ABCC10: variants seen among roughly 807,000 people sequenced by gnomAD.
The protein encoded by ABCC10 is ATP binding cassette subfamily C member 10.
Under a neutral mutation model 143.2 loss-of-function variants are expected in ABCC10, and 110 were observed. The observed-to-expected ratio is 0.77, with a 90% confidence interval of 0.66 to 0.90. The LOEUF (loss-of-function observed/expected upper bound fraction) is 0.90, where lower values mean the gene tolerates loss of function less well. Among genes scored for constraint, ABCC10 ranks in the 40% least tolerant of loss-of-function variants. The pLI, the probability that ABCC10 is intolerant of heterozygous loss-of-function variation, is 0.00. For missense variants in ABCC10, 1,700 were observed against 1,900.5 expected, an observed-to-expected ratio of 0.89 and a Z score of 1.96; for synonymous variants, 805 against 846.7, an observed-to-expected ratio of 0.95 and a Z score of 0.85.
Position 43,433,275 on chromosome 6 carries a change from T to C in ABCC10, c.1295T>C (p.Leu432Pro), listed in dbSNP as rs768023583. 1.9e-6 allele frequency: 3 copies of C among 1,614,198 alleles called. No homozygotes were observed. In the South Asian group the frequency reaches 3.3e-5, roughly 18 times the overall value. The change falls in exon 3 of 22, where the codon CTG (leucine) becomes CCG (proline). Residue 432 changes from leucine to proline, a missense_variant. By Grantham distance (98) the Leu-to-Pro change is moderately conservative (BLOSUM62 -3). Transcript: ENST00000372530. ...AFVGGLILALLLVPVNKVIAT... is the reference protein window; with the variant it reads ...AFVGGLILALPLVPVNKVIAT... ...GTGGGTGGTCTCATCTTGGCACTGCTGCTGGTACCCGTCAACAAAGTGATT... is the reference window on the plus strand; with the variant it reads ...GTGGGTGGTCTCATCTTGGCACTGCCGCTGGTACCCGTCAACAAAGTGATT...
chr6:43,440,863 CA>C lies in ABCC10; in HGVS notation c.2128-986del, dbSNP rs35261029. Among the ~76,000 whole-genome samples the C allele has an allele frequency of 2.0e-4, 21 of 104,762 alleles. No homozygotes were observed. In the South Asian group the frequency reaches 2.6e-3, roughly 13 times the overall value. 68.7% of individuals were successfully genotyped at this position (104,762 alleles called of 152,430 possible). A position where few individuals can be genotyped will look rare whatever the true frequency, so the allele number is the denominator to read the frequency against. ...TGTGCAACAGAGTGAGACTCCGTCT[CA>C]AAAAAAAAAAAATACCAGACCACCC... On this transcript the variant is annotated intron_variant, in intron 8 of 21. Transcript: ENST00000372530.
rs769468763 is a variant in ABCC10 at position 43,444,840 on chromosome 6, G to A, written c.2742G>A (p.Lys914=). Residue 914 remains lysine, a synonymous_variant, in exon 13 of 22, where the codon AAG becomes AAA. Coordinates refer to ENST00000372530, the MANE Select transcript of ABCC10 (RefSeq NM_001198934.2). ...TCTCCCACTGGATCTCTCAGCTGAA[G>A]GCTGAGAATAGCTCCCAGGAGGCGC... ...WWLSHWISQL[K]AENSSQEAQP... The A allele has an allele frequency of 8.1e-6, 13 of 1,613,608 alleles. No individual in the cohort carries two copies. The Admixed American group carries it at 2.2e-4, about 27-fold the overall frequency.
rs200394501 is a variant in ABCC10 at position 43,432,684 on chromosome 6, G to A, written c.704G>A (p.Arg235His). 72 of 1,613,988 alleles carry A rather than the reference G, an allele frequency of 4.5e-5. No individual in the cohort carries two copies. The highest frequency in any genetic ancestry group is 1.7e-4 in the African/African-American group (13 of 75,062). ...SYAWLAPLLARGACGELRQPQ... is the reference protein window; with the variant it reads ...SYAWLAPLLAHGACGELRQPQ... ...GCCTGGCTGGCACCCTTGCTGGCCCGTGGGGCCTGTGGAGAGCTCCGGCAG... is the reference window on the plus strand; with the variant it reads ...GCCTGGCTGGCACCCTTGCTGGCCCATGGGGCCTGTGGAGAGCTCCGGCAG... The change falls in exon 3 of 22, where the codon CGT (arginine) becomes CAT (histidine). Residue 235 changes from arginine (R) to histidine (H), a missense_variant. Physicochemically the swap from Arg to His is conservative, Grantham distance 29. Coordinates refer to ENST00000372530, the MANE Select transcript of ABCC10 (RefSeq NM_001198934.2).
At position 43,428,108 on chromosome 6, in the gene ABCC10, G is replaced by GTGC; in HGVS notation, c.132_134dup (p.Leu45dup). On this transcript the variant is annotated inframe_insertion, in exon 2 of 22. Transcript: ENST00000372530. ...CGCCCTGCCCCACGCGCTCCTCGCCGTGCTCAGTGCCTGTTACTTGGGCAC... is the reference window on the plus strand; with the variant it reads ...CGCCCTGCCCCACGCGCTCCTCGCCGTGCTGCTCAGTGCCTGTTACTTGGGCAC... The GTGC allele has an allele frequency of 6.5e-7, 1 of 1,548,194 alleles. No homozygotes were observed. The highest frequency in any genetic ancestry group is 8.7e-7 in the Non-Finnish European group (1 of 1,148,338).
chr6:43,444,415 C>T (rs1031621207), intron 12 of ABCC10, 62 bp downstream of exon 12: 49 of 1,504,998 alleles, frequency 3.3e-5, no homozygotes, highest in African/African-American at 7.0e-5. Flanking sequence ...TGCCCATTAC[C>T]TTGCACTAAT....
At chr6:43,447,461 G>C (rs879443443) in intron 17 of ABCC10, 53 bp downstream of exon 17, 12 of 1,589,672 alleles carry the variant, frequency 7.5e-6, no homozygotes, top group Non-Finnish European at 1.0e-5. Flanking sequence ...GAAGGCCCCA[G>C]TCTCCCTCAC....
chr6:43,447,253 G>A lies in ABCC10; in HGVS notation c.3550G>A (p.Val1184Met), dbSNP rs749718048. Reference sequence around the variant, plus strand: ...CTGGTACTTCTCTCCCCCAGGGCTGGTGGGCTTGTCGCTGTCTTATGCCCT... The same window carrying A: ...CTGGTACTTCTCTCCCCCAGGGCTGATGGGCTTGTCGCTGTCTTATGCCCT... ...HQQGLANPGLVGLSLSYALSL... is the reference protein window; with the variant it reads ...HQQGLANPGLMGLSLSYALSL... Residue 1184 changes from valine to methionine, a missense_variant, in exon 17 of 22, where the codon GTG (valine) becomes ATG (methionine). By Grantham distance (21) the Val-to-Met change is conservative. Coordinates refer to ENST00000372530, the MANE Select transcript of ABCC10 (RefSeq NM_001198934.2). The A allele has an allele frequency of 3.1e-6, 5 of 1,613,108 alleles. No homozygotes were observed. In the East Asian group the frequency reaches 1.1e-4, roughly 36 times the overall value.
rs1414699205 is a variant in ABCC10 at position 43,445,760 on chromosome 6, G to A, written c.3192G>A (p.Leu1064=). The A allele has an allele frequency of 1.4e-5, 22 of 1,613,976 alleles. No homozygotes were observed. Among genetic ancestry groups the A allele is most frequent in the Non-Finnish European group, 1.8e-5 (21 of 1,180,036 alleles). The change falls in exon 15 of 22, where the codon CTG becomes CTA. Residue 1064 remains leucine, a synonymous_variant. Transcript: ENST00000372530. ...LGLLAVLGSG[L]PWLLLLLPPL... Reference sequence around the variant, plus strand: ...TCCTGGCCGTGCTGGGCTCTGGCCTGCCCTGGCTGCTGCTCCTGCTGCCGC... The same window carrying A: ...TCCTGGCCGTGCTGGGCTCTGGCCTACCCTGGCTGCTGCTCCTGCTGCCGC...
chr6:43,450,646 A>G (rs1250499791), downstream of ABCC10: 11 of 1,613,504 alleles, frequency 6.8e-6, no homozygotes, highest in Non-Finnish European at 9.3e-6. This position sits in a 1 kb window ranked among gnomAD's most constrained non-coding sequence, Gnocchi z 4.5. Context: ...GCTGGAGCAT[A>G]GTGTGGGGCA....
chr6:43,444,880 C>A lies in ABCC10; in HGVS notation c.2782C>A (p.Pro928Thr). Reference sequence around the variant, plus strand: ...CCAGGAGGCGCAACCCTCCACCAGCCCAGCTTCTATGGGGCTCTTCTCTCC... The same window carrying A: ...CCAGGAGGCGCAACCCTCCACCAGCACAGCTTCTATGGGGCTCTTCTCTCC... ...SSQEAQPSTSPASMGLFSPQL... is the reference protein window; with the variant it reads ...SSQEAQPSTSTASMGLFSPQL... Residue 928 changes from proline (P) to threonine (T), a missense_variant, in exon 13 of 22, where the codon CCA (proline) becomes ACA (threonine). Pro to Thr is a conservative substitution (Grantham distance 38, BLOSUM62 -1). Transcript: ENST00000372530. The A allele has an allele frequency of 6.2e-7, 1 of 1,614,058 alleles. No homozygotes were observed. The highest frequency in any genetic ancestry group is 8.5e-7 in the Non-Finnish European group (1 of 1,179,962).
Position 43,433,294 on chromosome 6 carries a change from A to C in ABCC10, c.1314A>C (p.Lys438Asn). The C allele has an allele frequency of 6.2e-7, 1 of 1,614,160 alleles. No individual in the cohort carries two copies. The highest frequency in any genetic ancestry group is 8.5e-7 in the Non-Finnish European group (1 of 1,180,004). Residue 438 changes from lysine (K) to asparagine (N), a missense_variant, in exon 3 of 22, where the codon AAA (lysine) becomes AAC (asparagine). Physicochemically the swap from Lys to Asn is moderately conservative, Grantham distance 94. Transcript: ENST00000372530. ...ILALLLVPVN[K>N]VIATRIMASN... ...CACTGCTGCTGGTACCCGTCAACAAAGTGATTGCCACCCGCATCATGGCCA... is the reference window on the plus strand; with the variant it reads ...CACTGCTGCTGGTACCCGTCAACAACGTGATTGCCACCCGCATCATGGCCA...
chr6:43,449,124 C>G lies in ABCC10; in HGVS notation c.4123C>G (p.Leu1375Val). The G allele has an allele frequency of 6.2e-7, 1 of 1,614,116 alleles. No individual in the cohort carries two copies. Among genetic ancestry groups the G allele is most frequent in the Non-Finnish European group, 8.5e-7 (1 of 1,179,994 alleles). The change falls in exon 20 of 22, where the codon CTG becomes GTG. Residue 1375 changes from leucine to valine, a missense_variant. Physicochemically the swap from Leu to Val is conservative, Grantham distance 32. Coordinates refer to ENST00000372530, the MANE Select transcript of ABCC10 (RefSeq NM_001198934.2). ...ITSMGGLDGELGEGGRSLSLG... is the reference protein window; with the variant it reads ...ITSMGGLDGEVGEGGRSLSLG... ...CCTTGCAGGTGGTCTGGATGGTGAGCTGGGTGAGGGGGGCCGGAGCTTATC... is the reference window on the plus strand; with the variant it reads ...CCTTGCAGGTGGTCTGGATGGTGAGGTGGGTGAGGGGGGCCGGAGCTTATC...
chr6:43,435,676 C>T, intron 4 of ABCC10, 75 bp from the exon 5 acceptor site: 1 of 1,536,220 alleles, frequency 6.5e-7, no homozygotes, highest in Non-Finnish European at 8.8e-7. Context: ...CTCCGTAGAC[C>T]TGTCCACAGG....
At position 43,433,059 on chromosome 6, in the gene ABCC10, T is replaced by C; in HGVS notation, c.1079T>C (p.Leu360Pro). The change falls in exon 3 of 22, where the codon CTG becomes CCG. Residue 360 changes from leucine (L) to proline (P), a missense_variant. Physicochemically the swap from Leu to Pro is moderately conservative, Grantham distance 98. Coordinates refer to ENST00000372530, the MANE Select transcript of ABCC10 (RefSeq NM_001198934.2). ...ACACTTCAGGCACGGGGGGCTGTGC[T>C]GAACATCCTGTACTGCAAGGCTTTA... Reference protein sequence around the residue: ...KVTLQARGAVLNILYCKALQL... With the variant: ...KVTLQARGAVPNILYCKALQL... 6.2e-7 allele frequency: 1 copy of C among 1,614,200 alleles called. No homozygotes were observed. The highest frequency in any genetic ancestry group is 8.5e-7 in the Non-Finnish European group (1 of 1,180,040).
intron 4 of ABCC10, among the ~76,000 whole-genome samples, 180 bp from the exon 5 acceptor site, chr6:43,435,571 G>A (rs1781599989): frequency 6.6e-6 from 1 of 152,082 alleles, no homozygotes; most frequent in Non-Finnish European, 1.5e-5. Flanking sequence ...GAGGAACATT[G>A]GAATTTCTAG....
intron 16 of ABCC10, chr6:43,446,651 G>A (rs996799151): frequency 3.0e-6 from 3 of 985,176 alleles, no homozygotes; most frequent in Admixed American, 1.2e-4. Context: ...GTGGCTTGGG[G>A]ACTAGAATGA....
chr6:43,438,354 G>T, intron 7 of ABCC10: 1 of 1,417,020 alleles, frequency 7.1e-7, no homozygotes, highest in African/African-American at 1.4e-5. Context: ...CAAGTACAAT[G>T]TGGTGGCCAT....
chr6:43,451,834 G>T, downstream of ABCC10: 1 of 1,498,466 alleles, frequency 6.7e-7, no homozygotes, highest in Non-Finnish European at 8.9e-7. This position sits in a 1 kb window ranked among gnomAD's most constrained non-coding sequence, Gnocchi z 4.4. Flanking sequence ...TCCCCGTGTG[G>T]GTCTGACTCT....
intron 7 of ABCC10, chr6:43,438,308 A>G (rs1340569705): frequency 1.5e-6 from 2 of 1,374,436 alleles, no homozygotes; most frequent in East Asian, 2.6e-5. Flanking sequence ...AGAGAGGAGC[A>G]TAGGTTTGAG....
Sources: gnomAD v4.1 joint callset for allele counts (sites outside exome capture counted in the v4.1 genomes callset) on GRCh38, gnomAD v4.1.1 for gene constraint, Gnocchi (gnomAD v3.1) non-coding constraint, MANE v1.5 for transcripts, NCBI Gene and HGNC (gene_info 2026-07-23, HGNC 2026-07-21) for gene names.